Variants in CABLES1 observed in about 807,000 individuals in gnomAD.
CABLES1 encodes the protein CDK5 and ABL1 enzyme substrate 1.
A neutral mutation model predicts 57.8 loss-of-function variants in CABLES1; 36 were observed. That is an observed-to-expected ratio of 0.62 (90% CI 0.48 to 0.82). The LOEUF is 0.82. Ranked by LOEUF, CABLES1 falls within the 40% of genes least tolerant of loss-of-function variation. The probability of loss-of-function intolerance (pLI) is 0.00; values close to 1 mark genes in which losing one functional copy is unlikely to be tolerated. For synonymous variants in CABLES1, 374 were observed against 363.0 expected, an observed-to-expected ratio of 1.03 and a Z score of -0.35; for missense variants, 767 against 836.6, an observed-to-expected ratio of 0.92 and a Z score of 1.03.
At chr18:23,134,684 AGCC>A (rs1857688728), upstream of CABLES1, 1 of 152,196 alleles carries the variant, frequency 6.6e-6, no homozygotes, top group Non-Finnish European at 1.5e-5. Flanking sequence ...AGGTCATTTT[AGCC>A]CACCTGGGTC....
chr18:23,140,727 C>T (rs991338192), intron 1 of CABLES1, among the ~76,000 whole-genome samples: 2 of 152,220 alleles, frequency 1.3e-5, no homozygotes, highest in African/African-American at 4.8e-5. Flanking sequence ...TGTGAGCCAC[C>T]GCGCCCCACC....
chr18:23,154,273 G>A (rs1461774063), intron 1 of CABLES1, among the ~76,000 whole-genome samples: 2 of 152,132 alleles, frequency 1.3e-5, no homozygotes, highest in Admixed American at 6.6e-5. Context: ...ACAAGCACCC[G>A]GTGTGCTGTC....
chr18:23,196,357 T>C (rs1220003240), intron 3 of CABLES1, among the ~76,000 whole-genome samples: 3 of 152,032 alleles, frequency 2.0e-5, no homozygotes, highest in Admixed American at 1.3e-4. Flanking sequence ...TGAGAGCTGG[T>C]TTTCTTGTGC....
intron 4 of CABLES1, among the ~76,000 whole-genome samples, chr18:23,230,224 T>C (rs2047557246): frequency 6.6e-6 from 1 of 152,046 alleles, no homozygotes; most frequent in Non-Finnish European, 1.5e-5. Flanking sequence ...TACAAAAAAT[T>C]AGCCGGGCAT....
intron 1 of CABLES1, among the ~76,000 whole-genome samples, chr18:23,166,503 A>G (rs1318735475): frequency 6.6e-6 from 1 of 152,176 alleles, no homozygotes; most frequent in Admixed American, 6.5e-5. Context: ...GCTCCTGGCC[A>G]ACATTTTTTT....
At chr18:23,141,467 T>C (rs748463810) in intron 1 of CABLES1, among the ~76,000 whole-genome samples, 1 of 152,234 alleles carries the variant, frequency 6.6e-6, no homozygotes, top group Non-Finnish European at 1.5e-5. Flanking sequence ...TGTGTGTGTG[T>C]GCCCCAGCTG....
chr18:23,180,416 A>T (rs1274837267), intron 1 of CABLES1, among the ~76,000 whole-genome samples: 2 of 152,206 alleles, frequency 1.3e-5, no homozygotes, highest in Admixed American at 6.5e-5. Flanking sequence ...AAATAACAAT[A>T]GGGTGATGGA....
At chr18:23,231,769 A>G (rs968201570) in intron 4 of CABLES1, among the ~76,000 whole-genome samples, 5 of 150,152 alleles carry the variant, frequency 3.3e-5, no homozygotes, top group Non-Finnish European at 7.4e-5. Flanking sequence ...GCACATGACT[A>G]TATTTTTTTT....
intron 1 of CABLES1, among the ~76,000 whole-genome samples, chr18:23,142,923 G>A (rs915497189): frequency 2.4e-4 from 36 of 152,216 alleles, no homozygotes; most frequent in Admixed American, 6.5e-4. Flanking sequence ...GCACTTTGAT[G>A]GGACTGAGTT....
rs149600014 is a variant in CABLES1, at chr18:23,151,297, C to T, written c.845+14690C>T. Among the ~76,000 whole-genome samples the T allele has an allele frequency of 4.7e-3, 715 of 151,944 alleles. 4 individuals are homozygous for T. The highest frequency in any genetic ancestry group is 0.016 in the African/African-American group (679 of 41,448). ...CCTCCCAAAGTGCTGGGATTACATG[C>T]GTGAGCCACTGTGCCGGGCCTCCCT... On this transcript the variant is annotated intron_variant, in intron 1 of 9. Coordinates refer to ENST00000256925, the MANE Select transcript of CABLES1 (RefSeq NM_001100619.3).
At chr18:23,193,368 T>G (rs540088107) in intron 2 of CABLES1, among the ~76,000 whole-genome samples, 1 of 152,146 alleles carries the variant, frequency 6.6e-6, no homozygotes, top group African/African-American at 2.4e-5. Flanking sequence ...ATTTTTGTAT[T>G]TTTAGTAGAG....
intron 7 of CABLES1, among the ~76,000 whole-genome samples, chr18:23,244,177 A>G (rs945247619): frequency 3.3e-4 from 50 of 152,316 alleles, no homozygotes; most frequent in Non-Finnish European, 6.5e-4. Context: ...TCTCAGGGCC[A>G]GTCACCTGGT....
chr18:23,249,811 C>G (rs368052227), intron 7 of CABLES1, among the ~76,000 whole-genome samples: 1 of 152,030 alleles, frequency 6.6e-6, no homozygotes, highest in South Asian at 2.1e-4. Flanking sequence ...TGGTGAGAGC[C>G]CTTGTCTAGG....
chr18:23,249,267 G>A (rs530976377), intron 7 of CABLES1, among the ~76,000 whole-genome samples: 96 of 152,320 alleles, frequency 6.3e-4, no homozygotes, highest in African/African-American at 2.1e-3. Context: ...TCCAGCCTCC[G>A]TAGCACAACA....
chr18:23,255,870 T>G (rs1246796720), intron 9 of CABLES1, among the ~76,000 whole-genome samples: 1 of 152,116 alleles, frequency 6.6e-6, no homozygotes, highest in Non-Finnish European at 1.5e-5. Context: ...CAAGAATTAA[T>G]GAATCTTTTG....
chr18:23,251,588 G>A lies in CABLES1; in HGVS notation c.1447-1372G>A, dbSNP rs754054483. 3.3e-5 allele frequency among the ~76,000 whole-genome samples: 5 copies of A among 152,306 alleles called. No individual in the cohort carries two copies. In the South Asian group the frequency reaches 1.0e-3, roughly 32 times the overall value. ...TTTAATTCAGAGTTCACAGTGCAGG[G>A]TACAGAGGAGCAAGGAAGACCAGGG... On this transcript the variant is annotated intron_variant, in intron 7 of 9. Coordinates refer to ENST00000256925, the MANE Select transcript of CABLES1 (RefSeq NM_001100619.3).
intron 7 of CABLES1, among the ~76,000 whole-genome samples, chr18:23,250,583 G>A (rs1298812079): frequency 6.6e-6 from 1 of 152,194 alleles, no homozygotes; most frequent in Admixed American, 6.5e-5. Flanking sequence ...GTCTTGGAGG[G>A]CTGCCACAGG....
chr18:23,193,620 C>T (rs914093591), intron 2 of CABLES1, among the ~76,000 whole-genome samples: 1 of 152,134 alleles, frequency 6.6e-6, no homozygotes, highest in Admixed American at 6.5e-5. Context: ...GTCACAGCCC[C>T]TTTTATCTAG....
chr18:23,202,093 T>C (rs1315039079), intron 3 of CABLES1, among the ~76,000 whole-genome samples: 1 of 152,152 alleles, frequency 6.6e-6, no homozygotes, highest in Non-Finnish European at 1.5e-5. Context: ...AAGTTGGTGG[T>C]GACTGCGGAG....
Sources: allele counts gnomAD v4.1 joint callset (sites outside exome capture counted in the v4.1 genomes callset), GRCh38; gene constraint gnomAD v4.1.1; transcripts MANE v1.5; gene names NCBI Gene and HGNC (gene_info 2026-07-23, HGNC 2026-07-21).